Variants in EEPD1 observed in about 807,000 individuals in gnomAD.
The protein encoded by EEPD1 is endonuclease/exonuclease/phosphatase family domain containing 1.
EEPD1 carries 17 observed loss-of-function variants against 46.3 expected under a neutral mutation model. The ratio of observed to expected loss-of-function variants is 0.37; its 90% CI spans 0.25 to 0.55. The LOEUF (loss-of-function observed/expected upper bound fraction) is 0.55, where lower values mean the gene tolerates loss of function less well. EEPD1 is among the 20% of genes least tolerant of loss of function. The pLI is 0.83. For synonymous variants in EEPD1, 313 were observed against 315.6 expected (o/e 0.99, Z 0.09); for missense variants, 673 against 745.6 (o/e 0.90, Z 1.13).
chr7:36,251,949 C>T (rs1446688961), intron 3 of EEPD1, among the ~76,000 whole-genome samples: 4 of 152,072 alleles, frequency 2.6e-5, no homozygotes, highest in Non-Finnish European at 4.4e-5. Flanking sequence ...GCCACTTAGA[C>T]GCAGTGATAT....
intron 2 of EEPD1, among the ~76,000 whole-genome samples, chr7:36,169,523 G>C (rs563895451): frequency 4.6e-5 from 7 of 152,264 alleles, no homozygotes; most frequent in African/African-American, 1.7e-4. Flanking sequence ...TTGGTTATTT[G>C]TATATCTTCT....
At chr7:36,208,671 G>A (rs1007600294) in intron 2 of EEPD1, among the ~76,000 whole-genome samples, 40 of 152,208 alleles carry the variant, frequency 2.6e-4, no homozygotes, top group African/African-American at 9.7e-4. Flanking sequence ...AGACACACTT[G>A]GTTTAGAGGG....
intron 6 of EEPD1, among the ~76,000 whole-genome samples, chr7:36,290,098 A>G (rs572544689): frequency 2.5e-4 from 38 of 152,328 alleles, no homozygotes; most frequent in African/African-American, 8.7e-4. Flanking sequence ...AAAATGGACA[A>G]CTTGATAGCT....
intron 2 of EEPD1, among the ~76,000 whole-genome samples, chr7:36,169,012 C>T (rs186717176): frequency 3.3e-5 from 5 of 152,210 alleles, no homozygotes; most frequent in East Asian, 1.9e-4. Context: ...ATGATGTTTT[C>T]GAGGTTTATC....
chr7:36,213,285 G>A (rs1441647997), intron 2 of EEPD1, among the ~76,000 whole-genome samples: 3 of 152,188 alleles, frequency 2.0e-5, no homozygotes, highest in Non-Finnish European at 4.4e-5. Context: ...TTTTAGATGT[G>A]GTGGATGAAG....
intron 2 of EEPD1, among the ~76,000 whole-genome samples, chr7:36,196,837 G>A (rs906761674): frequency 4.0e-5 from 6 of 151,850 alleles, no homozygotes; most frequent in South Asian, 2.1e-4. Flanking sequence ...CCGCCACCCC[G>A]TCTGGGAAGT....
chr7:36,241,790 T>C (rs1786557549), intron 3 of EEPD1, among the ~76,000 whole-genome samples: 3 of 151,700 alleles, frequency 2.0e-5, no homozygotes, highest in South Asian at 4.2e-4. Context: ...ATCGCTTGAG[T>C]CTGGGAGGCA....
chr7:36,196,897 T>C (rs1785607331), intron 2 of EEPD1, among the ~76,000 whole-genome samples: 1 of 148,936 alleles, frequency 6.7e-6, no homozygotes, highest in African/African-American at 2.5e-5. Context: ...GAGGAGCCCC[T>C]CTGCCTGGCT....
At chr7:36,155,894 A>G (rs1307196565) in intron 2 of EEPD1, among the ~76,000 whole-genome samples, 2 of 152,352 alleles carry the variant, frequency 1.3e-5, no homozygotes, top group Middle Eastern at 3.4e-3. Flanking sequence ...CCGTTACCAC[A>G]GAGCGTTTAT....
At chr7:36,226,800 A>T (rs1786238493) in intron 2 of EEPD1, among the ~76,000 whole-genome samples, 1 of 152,226 alleles carries the variant, frequency 6.6e-6, no homozygotes, top group Admixed American at 6.5e-5. Context: ...GCATAATGAA[A>T]TTTGAAACAA....
chr7:36,200,637 T>C (rs1313794135), intron 2 of EEPD1, among the ~76,000 whole-genome samples: 1 of 152,244 alleles, frequency 6.6e-6, no homozygotes, highest in African/African-American at 2.4e-5. Context: ...CTTCAGAACA[T>C]TCCTTTTGGG....
chr7:36,161,141 C>T (rs1238762369), intron 2 of EEPD1, among the ~76,000 whole-genome samples: 1 of 152,120 alleles, frequency 6.6e-6, no homozygotes, highest in East Asian at 1.9e-4. Context: ...GCTCTGGGGA[C>T]TTTAGGTGAC....
rs938416093 is a variant in EEPD1, at chr7:36,299,529, C to G, written c.*323C>G. ...GATGGCAGCACAAAGACAATATGAG[C>G]AGAGGGAGGAGAAGAAGGGGTGCTC... is the stretch of plus-strand genomic sequence containing the variant. On this transcript the variant is annotated 3_prime_UTR_variant, in exon 8 of 8. Coordinates refer to ENST00000242108, the MANE Select transcript of EEPD1 (RefSeq NM_030636.3). The G allele has an allele frequency of 2.8e-6, 1 of 356,220 alleles. No individual in the cohort carries two copies. The highest frequency in any genetic ancestry group is 5.2e-6 in the Non-Finnish European group (1 of 191,652). The allele number at this position is 356,220 out of a possible 1,614,324, so 22.1% of individuals were successfully genotyped here.
chr7:36,168,069 C>G (rs1562671504), intron 2 of EEPD1, among the ~76,000 whole-genome samples: 1 of 152,166 alleles, frequency 6.6e-6, no homozygotes, highest in Non-Finnish European at 1.5e-5. Flanking sequence ...TGTATTTCCC[C>G]TGCCACGACC....
chr7:36,197,615 C>T (rs1258620861), intron 2 of EEPD1, among the ~76,000 whole-genome samples: 2 of 152,138 alleles, frequency 1.3e-5, no homozygotes, highest in East Asian at 1.9e-4. Flanking sequence ...TGACTTTACC[C>T]CCAACCCTGT....
At chr7:36,268,418 C>G (rs540416703) in intron 3 of EEPD1, among the ~76,000 whole-genome samples, 3 of 152,164 alleles carry the variant, frequency 2.0e-5, no homozygotes, top group Non-Finnish European at 4.4e-5. Flanking sequence ...TTCGGCCTCC[C>G]AAAGTGCTGG....
chr7:36,197,230 G>C (rs1414129658), intron 2 of EEPD1, among the ~76,000 whole-genome samples: 1 of 149,246 alleles, frequency 6.7e-6, no homozygotes. Flanking sequence ...CACCCCGTCC[G>C]GGAGGGAGGT....
chr7:36,199,462 C>T (rs1785674362), intron 2 of EEPD1, among the ~76,000 whole-genome samples: 1 of 152,070 alleles, frequency 6.6e-6, no homozygotes, highest in South Asian at 2.1e-4. Flanking sequence ...GTGGCAGGAG[C>T]ATGGCATTTT....
intron 2 of EEPD1, among the ~76,000 whole-genome samples, chr7:36,187,137 A>G (rs769138323): frequency 6.6e-6 from 1 of 152,180 alleles, no homozygotes; most frequent in African/African-American, 2.4e-5. Context: ...GTTACAACTC[A>G]GCTGCCTCAA....
Sources: allele counts gnomAD v4.1 joint callset (sites outside exome capture counted in the v4.1 genomes callset), GRCh38; gene constraint gnomAD v4.1.1; transcripts MANE v1.5; gene names NCBI Gene and HGNC (gene_info 2026-07-23, HGNC 2026-07-21).